Variants in SWAP70 observed in about 807,000 individuals in gnomAD.
SWAP70 encodes the protein switching B cell complex subunit SWAP70.
SWAP70 carries 34 observed loss-of-function variants against 80.2 expected under a neutral mutation model. The observed-to-expected ratio is 0.42, with a 90% confidence interval of 0.32 to 0.56. The LOEUF is 0.56. Among genes scored for constraint, SWAP70 ranks in the 20% least tolerant of loss-of-function variants. The pLI, the probability that SWAP70 is intolerant of heterozygous loss-of-function variation, is 0.09. For synonymous variants in SWAP70, 239 were observed against 238.5 expected, an observed-to-expected ratio of 1.00 and a Z score of -0.02; for missense variants, 578 against 690.7, an observed-to-expected ratio of 0.84 and a Z score of 1.83.
chr11:9,693,562 G>A (rs1350020793), intron 1 of SWAP70, among the ~76,000 whole-genome samples: 3 of 151,776 alleles, frequency 2.0e-5, no homozygotes, highest in South Asian at 4.2e-4. Context: ...CTGAAATTTA[G>A]CCTAGTCATA....
chr11:9,672,195 C>CTACATATA (rs1554982643), intron 1 of SWAP70, among the ~76,000 whole-genome samples: 11 of 78,438 alleles, frequency 1.4e-4, no homozygotes, highest in Non-Finnish European at 2.6e-4. Flanking sequence ...ATGTGTGTGT[C>CTACATATA]TATATATATA....
At chr11:9,667,249 T>TGTGA (rs910208392) in intron 1 of SWAP70, among the ~76,000 whole-genome samples, 10 of 151,580 alleles carry the variant, frequency 6.6e-5, no homozygotes, top group African/African-American at 2.2e-4. Flanking sequence ...TGTGTGTGTG[T>TGTGA]GAGAGAGAGA....
chr11:9,665,235 AT>A, intron 1 of SWAP70, among the ~76,000 whole-genome samples: 1 of 152,286 alleles, frequency 6.6e-6, no homozygotes, highest in East Asian at 1.9e-4. Flanking sequence ...TTTGTTTTGT[AT>A]ATTTTTGTAC....
chr11:9,692,037 C>T (rs1345578710), intron 1 of SWAP70, among the ~76,000 whole-genome samples: 1 of 152,128 alleles, frequency 6.6e-6, no homozygotes, highest in Non-Finnish European at 1.5e-5. Flanking sequence ...CATACTATTT[C>T]TCCTTTTCTG....
rs140025227 is a variant in SWAP70 at position 9,677,016 on chromosome 11, C to A, written c.99+12738C>A. Among the ~76,000 whole-genome samples, 531 of 150,906 alleles carry A rather than the reference C, an allele frequency of 3.5e-3. 2 individuals are homozygous for A. Among genetic ancestry groups the A allele is most frequent in the African/African-American group, 0.011 (472 of 41,122 alleles). On this transcript the variant is annotated intron_variant, in intron 1 of 11. Transcript: ENST00000318950. ...TTGCTTGAACACACAGATGCAGAAC[C>A]GAGGGATACGGAGGGCCAACTGTAT...
intron 1 of SWAP70, among the ~76,000 whole-genome samples, chr11:9,669,317 C>T (rs1466519051): frequency 6.6e-6 from 1 of 152,140 alleles, no homozygotes; most frequent in Non-Finnish European, 1.5e-5. Context: ...GCAACCTCCA[C>T]CTCCCTGGTT....
intron 2 of SWAP70, among the ~76,000 whole-genome samples, chr11:9,697,036 A>C (rs1469926746): frequency 6.6e-6 from 1 of 152,098 alleles, no homozygotes; most frequent in East Asian, 1.9e-4. Context: ...ACATAGTGAG[A>C]CCTTGTCTCA....
Position 9,705,435 on chromosome 11 carries a change from C to CT in SWAP70, c.241-8030dup, listed in dbSNP as rs1479352630. Among the ~76,000 whole-genome samples, 73 of 123,810 alleles carry CT rather than the reference C, an allele frequency of 5.9e-4. 2 individuals carry two copies. The highest frequency in any genetic ancestry group is 1.0e-3 in the Non-Finnish European group (62 of 61,528). The allele number at this position is 123,810 out of a possible 152,430, so 81.2% of individuals were successfully genotyped here. On this transcript the variant is annotated intron_variant, in intron 2 of 11. Coordinates refer to ENST00000318950, the MANE Select transcript of SWAP70 (RefSeq NM_015055.4). ...GTGTACACTTGGTGATCTGTATACACTGGTGATCTGTATACACTGGTGATC... is the reference window on the plus strand; with the variant it reads ...GTGTACACTTGGTGATCTGTATACACTTGGTGATCTGTATACACTGGTGATC...
chr11:9,738,517 G>C (rs934628496), intron 8 of SWAP70, among the ~76,000 whole-genome samples, 197 bp downstream of exon 8: 2 of 152,106 alleles, frequency 1.3e-5, no homozygotes. Context: ...GTGCCAGGCA[G>C]TGTGCCAAAG....
chr11:9,691,580 T>G (rs1850698093), intron 1 of SWAP70, among the ~76,000 whole-genome samples: 1 of 152,238 alleles, frequency 6.6e-6, no homozygotes. Context: ...TTAATCAAAC[T>G]AAGCATCTAT....
intron 2 of SWAP70, among the ~76,000 whole-genome samples, chr11:9,697,982 C>T (rs1850780369): frequency 6.6e-6 from 1 of 151,890 alleles, no homozygotes; most frequent in Admixed American, 6.6e-5. Flanking sequence ...GACGGGATCT[C>T]ACTATGTTGC....
At chr11:9,733,865 G>A (rs1472896745) in intron 7 of SWAP70, among the ~76,000 whole-genome samples, 2 of 152,290 alleles carry the variant, frequency 1.3e-5, no homozygotes, top group East Asian at 1.9e-4. Context: ...GCTCGTACCT[G>A]TAGAGGAGAA....
intron 2 of SWAP70, 48 bp from the exon 3 acceptor site, chr11:9,713,418 T>G (rs769532319): frequency 3.2e-6 from 5 of 1,544,488 alleles, no homozygotes; most frequent in African/African-American, 1.4e-5. Flanking sequence ...CCTTAGATAC[T>G]GCTTATATCG....
chr11:9,748,054 G>A lies in SWAP70; in HGVS notation c.1552G>A (p.Glu518Lys), dbSNP rs200767479. Residue 518 changes from glutamate (E) to lysine (K), a missense_variant and splice_region_variant, in exon 10 of 12, where the codon GAG (glutamate) becomes AAG (lysine). Transcript: ENST00000318950. ...LERKQALEQY[E>K]EVKKKLEMAT... is the part of the protein sequence containing the mutation. ...ACGGAAGCAAGCACTTGAGCAGTAC[G>A]AGGTAATGAGACTTGGCCCTGCAAA... 5.0e-6 allele frequency: 8 copies of A among 1,613,536 alleles called. No individual in the cohort carries two copies. Among genetic ancestry groups the A allele is most frequent in the East Asian group, 4.5e-5 (2 of 44,880 alleles).
intron 1 of SWAP70, among the ~76,000 whole-genome samples, chr11:9,667,795 A>G (rs1850327185): frequency 6.6e-6 from 1 of 152,254 alleles, no homozygotes; most frequent in African/African-American, 2.4e-5. Context: ...TCCTGAGCTC[A>G]GACTATATGC....
At chr11:9,749,493 G>A (rs541823599) in intron 11 of SWAP70, among the ~76,000 whole-genome samples, 10 of 152,266 alleles carry the variant, frequency 6.6e-5, no homozygotes, top group Admixed American at 4.6e-4. Context: ...TGATCCGCCC[G>A]CCTCAGCCTC....
At chr11:9,705,011 G>T (rs1850882165) in intron 2 of SWAP70, among the ~76,000 whole-genome samples, 1 of 137,912 alleles carries the variant, frequency 7.3e-6, no homozygotes. Context: ...TGGTTGATCT[G>T]TATACACTGG....
chr11:9,724,155 A>G (rs1055908978), intron 3 of SWAP70, among the ~76,000 whole-genome samples: 1 of 152,238 alleles, frequency 6.6e-6, no homozygotes, highest in Non-Finnish European at 1.5e-5. Context: ...TGCTCATGCT[A>G]GGTATTCCAC....
intron 2 of SWAP70, among the ~76,000 whole-genome samples, chr11:9,704,961 A>G (rs921834128): frequency 8.5e-5 from 13 of 152,314 alleles, no homozygotes; most frequent in African/African-American, 2.4e-4. Context: ...ACTTCATACA[A>G]ACAGCAAAGA....
Sources: gnomAD v4.1 joint callset for allele counts (sites outside exome capture counted in the v4.1 genomes callset) on GRCh38, gnomAD v4.1.1 for gene constraint, MANE v1.5 for transcripts, NCBI Gene and HGNC (gene_info 2026-07-23, HGNC 2026-07-21) for gene names.